NOP16: variants seen among roughly 807,000 people sequenced by gnomAD.
NOP16 encodes NOP16 nucleolar protein.
A neutral mutation model predicts 22.7 loss-of-function variants in NOP16; 14 were observed. The observed-to-expected ratio is 0.62, with a 90% CI of 0.41 to 0.97. NOP16 has a LOEUF of 0.97. NOP16 is among the 50% of genes least tolerant of loss of function. The pLI, the probability that NOP16 is intolerant of heterozygous loss-of-function variation, is 0.00. For missense variants in NOP16, 198 were observed against 235.9 expected, an observed-to-expected ratio of 0.84 and a Z score of 1.05; for synonymous variants, 80 against 83.6, an observed-to-expected ratio of 0.96 and a Z score of 0.23.
At position 176,384,188 on chromosome 5, in the gene NOP16, T is replaced by C; in HGVS notation, c.*43A>G. On this transcript the variant is annotated 3_prime_UTR_variant, in exon 5 of 5. Transcript: ENST00000614830. ...TACACCCTGGCTCCAGCTTCACTGG[T>C]CCGGGGGACGCCTCAGCCTGGGGCA... 1 of 1,614,046 alleles carries C rather than the reference T, an allele frequency of 6.2e-7. No individual in the cohort carries two copies. The highest frequency in any genetic ancestry group is 8.5e-7 in the Non-Finnish European group (1 of 1,180,014).
intron 3 of NOP16, 61 bp downstream of exon 3, chr5:176,386,779 C>A: frequency 7.0e-7 from 1 of 1,436,818 alleles, no homozygotes; most frequent in East Asian, 2.3e-5. Flanking sequence ...CATCTTAGGG[C>A]CCTTCCCAGC....
intron 4 of NOP16, chr5:176,384,948 AAG>A (rs1350138193): frequency 1.7e-6 from 1 of 577,226 alleles, no homozygotes; most frequent in African/African-American, 1.9e-5. Flanking sequence ...GTGACTGAGC[AAG>A]ACTCTGTCTT....
At chr5:176,384,599 C>A (rs1755685877) in intron 4 of NOP16, 1 of 568,396 alleles carries the variant, frequency 1.8e-6, no homozygotes, top group South Asian at 2.3e-5. Flanking sequence ...CCACCCTGGG[C>A]AACCCAGTGA....
At position 176,388,551 on chromosome 5, in the gene NOP16, C is replaced by A. The variant is rs557670787; in HGVS notation, c.-12G>T. On this transcript the variant is annotated 5_prime_UTR_variant, in exon 1 of 5. Coordinates refer to ENST00000614830, the MANE Select transcript of NOP16 (RefSeq NM_016391.8). ...TTGGCCTTGGGCATCGCGCTGACCA[C>A]CGCACCAGCAGCTCAAACACGCTGC... 6.2e-7 allele frequency: 1 copy of A among 1,602,908 alleles called. No homozygotes were observed. Among genetic ancestry groups the A allele is most frequent in the South Asian group, 1.1e-5 (1 of 90,778 alleles).
rs1755650383 is a variant in NOP16, at chr5:176,384,252, C to T, written c.516G>A (p.Lys172=). 6.2e-7 allele frequency: 1 copy of T among 1,614,134 alleles called. No individual in the cohort carries two copies. The highest frequency in any genetic ancestry group is 8.5e-7 in the Non-Finnish European group (1 of 1,180,050). ...EWQDFLDSLQ[K]RKMEVE is the part of the protein sequence containing the mutation. ...CCAGTCACTCCACCTCCATCTTCCT[C>T]TTCTGCAAAGAATCGAGGAAGTCTT... The change falls in exon 5 of 5, where the codon AAG becomes AAA. Residue 172 remains lysine, a synonymous_variant. Coordinates refer to ENST00000614830, the MANE Select transcript of NOP16 (RefSeq NM_016391.8).
At chr5:176,385,389 C>T (rs1290880288) in intron 3 of NOP16, 62 bp from the exon 4 acceptor site, 4 of 1,018,044 alleles carry the variant, frequency 3.9e-6, no homozygotes, top group Middle Eastern at 2.2e-4. Flanking sequence ...GCTCTTTGAG[C>T]TGTCCAATCA....
Position 176,388,129 on chromosome 5 carries a change from G to C in NOP16, c.216+106C>G. ...TGACTGTGGGGAGGTCGAAAACTCGGAAGGGCCTGAGGGAAGGAATGGGCA... is the reference window on the plus strand; with the variant it reads ...TGACTGTGGGGAGGTCGAAAACTCGCAAGGGCCTGAGGGAAGGAATGGGCA... On this transcript the variant is annotated intron_variant, in intron 2 of 4. Coordinates refer to ENST00000614830, the MANE Select transcript of NOP16 (RefSeq NM_016391.8). 1.6e-5 allele frequency: 13 copies of C among 832,126 alleles called. 1 individual carries two copies. The South Asian group carries it at 2.0e-4, about 13-fold the overall frequency. The allele number at this position is 832,126 out of a possible 1,614,324, so 51.5% of individuals were successfully genotyped here.
chr5:176,388,360 A>T lies in NOP16; in HGVS notation c.108-17T>A, dbSNP rs1260961975. On this transcript the variant is annotated splice_polypyrimidine_tract_variant and intron_variant, in intron 1 of 4. Coordinates refer to ENST00000614830, the MANE Select transcript of NOP16 (RefSeq NM_016391.8). ...ATGTGGGAGCTACCGGCAAAGAGAG[A>T]CATCGCGGATCCGTCATCTCGCGGA... 1 of 1,613,432 alleles carries T rather than the reference A, an allele frequency of 6.2e-7. No homozygotes were observed.
intron 3 of NOP16, among the ~76,000 whole-genome samples, chr5:176,385,714 C>G (rs1054486131): frequency 1.3e-5 from 2 of 152,218 alleles, no homozygotes; most frequent in African/African-American, 2.4e-5. Context: ...CTCAGAGAAG[C>G]TCTTGATGTA....
chr5:176,388,444 C>T lies in NOP16; in HGVS notation c.96G>A (p.Pro32=). ...CCCAGCCCCCTCACCATTCGATCCGCGGCGCTGCCTTCCGTCGAGCATTCC... is the reference window on the plus strand; with the variant it reads ...CCCAGCCCCCTCACCATTCGATCCGTGGCGCTGCCTTCCGTCGAGCATTCC... The part of the protein sequence containing the change: ...LNRNARRKAA[P]RIECSHIRHA... Residue 32 remains proline (P), a synonymous_variant, in exon 1 of 5, where the codon CCG becomes CCA. Transcript: ENST00000614830. 1 of 1,614,188 alleles carries T rather than the reference C, an allele frequency of 6.2e-7. No individual in the cohort carries two copies. The highest frequency in any genetic ancestry group is 8.5e-7 in the Non-Finnish European group (1 of 1,180,024).
chr5:176,385,881 AG>A, intron 3 of NOP16: 1 of 152,888 alleles, frequency 6.5e-6, no homozygotes, highest in Non-Finnish European at 1.5e-5. Context: ...TAAAATAGAC[AG>A]GCAAATCCTA....
At chr5:176,386,749 C>T in intron 3 of NOP16, 91 bp downstream of exon 3, 4 of 1,131,346 alleles carry the variant, frequency 3.5e-6, no homozygotes, top group Non-Finnish European at 5.4e-6. Flanking sequence ...AACTTGGTTT[C>T]TCCATCTGCA....
At position 176,385,337 on chromosome 5, in the gene NOP16, T is replaced by C. The variant is rs1264525181; in HGVS notation, c.287-10A>G. The C allele has an allele frequency of 4.0e-6, 6 of 1,509,570 alleles. No individual in the cohort carries two copies. The African/African-American group carries it at 6.9e-5, about 17-fold the overall frequency. The allele number at this position is 1,509,570 out of a possible 1,614,324, so 93.5% of individuals were successfully genotyped here. A position where few individuals can be genotyped will look rare whatever the true frequency, so the allele number is the denominator to read the frequency against. On this transcript the variant is annotated splice_polypyrimidine_tract_variant and intron_variant, in intron 3 of 4. Coordinates refer to ENST00000614830, the MANE Select transcript of NOP16 (RefSeq NM_016391.8). ...GCTTCTGCCTCCAGGTCTGGAGTGA[T>C]GAGAGAAGCGGGGAGACAGGGAATG...
chr5:176,387,750 A>G (rs988521746), intron 2 of NOP16, among the ~76,000 whole-genome samples: 1 of 152,152 alleles, frequency 6.6e-6, no homozygotes, highest in South Asian at 2.1e-4. Flanking sequence ...AAAACCACAA[A>G]AATCAGCCGG....
chr5:176,384,141 G>A lies in NOP16; in HGVS notation c.*90C>T, dbSNP rs1445532344. The A allele has an allele frequency of 6.2e-7, 1 of 1,613,034 alleles. No homozygotes were observed. Among genetic ancestry groups the A allele is most frequent in the Non-Finnish European group, 8.5e-7 (1 of 1,179,960 alleles). ...ATGGGACCTGGCCAGCTCCTCTGGA[G>A]CCACACAGCACCTCCTTGCCTTACA... On this transcript the variant is annotated 3_prime_UTR_variant, in exon 5 of 5. Transcript: ENST00000614830.
intron 4 of NOP16, 189 bp from the exon 5 acceptor site, chr5:176,384,563 G>T: frequency 1.6e-6 from 1 of 608,178 alleles, no homozygotes; most frequent in Non-Finnish European, 2.8e-6. Flanking sequence ...GAGGTGGGAG[G>T]ATCTCTTGAG....
At chr5:176,386,947 T>G in intron 2 of NOP16, 38 bp from the exon 3 acceptor site, 1 of 1,577,410 alleles carries the variant, frequency 6.3e-7, no homozygotes, top group South Asian at 1.1e-5. Context: ...GAAGGATCTT[T>G]GATGAGGGAA....
chr5:176,388,094 T>C (rs774733600), intron 2 of NOP16, 141 bp downstream of exon 2: 1 of 633,038 alleles, frequency 1.6e-6, no homozygotes, highest in African/African-American at 1.8e-5. Flanking sequence ...TCAACGTCAG[T>C]TGAGCGTTCT....
intron 3 of NOP16, chr5:176,386,124 C>A: frequency 6.5e-6 from 1 of 154,564 alleles, no homozygotes; most frequent in Admixed American, 6.4e-5. Flanking sequence ...ATATCCTTTA[C>A]TGAACAGTGC....
Sources: gnomAD v4.1 joint callset for allele counts (sites outside exome capture counted in the v4.1 genomes callset) on GRCh38, gnomAD v4.1.1 for gene constraint, MANE v1.5 for transcripts, NCBI Gene and HGNC (gene_info 2026-07-23, HGNC 2026-07-21) for gene names.